The following EPHA6 variants were observed in gnomAD, a reference collection of about 807,000 sequenced individuals.
EPHA6 encodes the protein ephrin type-A receptor 6.
EPHA6 carries 50 observed loss-of-function variants against 112.0 expected under a neutral mutation model. That is an observed-to-expected ratio of 0.45 (90% CI 0.36 to 0.56). The LOEUF (loss-of-function observed/expected upper bound fraction) is 0.56. EPHA6 is among the 20% of genes least tolerant of loss of function. The probability of loss-of-function intolerance (pLI) is 0.00; values close to 1 mark genes in which losing one functional copy is unlikely to be tolerated. For missense variants in EPHA6, 1,280 were observed against 1,417.4 expected, an observed-to-expected ratio of 0.90 and a Z score of 1.56; for synonymous variants, 529 against 490.7, an observed-to-expected ratio of 1.08 and a Z score of -1.03.
rs553958235 is a variant in EPHA6 at position 97,338,118 on chromosome 3, A to G, written c.1607-67032A>G. ...CGTGTGTGTGTGTGTGTTTTCCACA[A>G]ACAAGTAAAACTTATTAGCTCTTGA... On this transcript the variant is annotated intron_variant, in intron 5 of 17. Transcript: ENST00000389672. 8.6e-5 allele frequency among the ~76,000 whole-genome samples: 13 copies of G among 151,828 alleles called. 1 individual carries two copies. The South Asian group carries it at 2.7e-3, about 32-fold the overall frequency.
chr3:97,150,001 A>G (rs1055313080), intron 3 of EPHA6, among the ~76,000 whole-genome samples: 7 of 152,168 alleles, frequency 4.6e-5, no homozygotes, highest in African/African-American at 1.7e-4. Context: ...AGAAAAGTCC[A>G]GAAGTGTTAC....
chr3:97,578,544 G>C (rs1044157810), intron 11 of EPHA6, among the ~76,000 whole-genome samples: 1 of 152,168 alleles, frequency 6.6e-6, no homozygotes, highest in Non-Finnish European at 1.5e-5. Flanking sequence ...TGGGATGAAA[G>C]AAACAGGTAT....
chr3:96,986,908 C>T (rs1023706858), intron 2 of EPHA6, among the ~76,000 whole-genome samples: 1 of 152,108 alleles, frequency 6.6e-6, no homozygotes, highest in African/African-American at 2.4e-5. Flanking sequence ...GATGGGAAAC[C>T]CTAAGTGCGT....
At chr3:97,351,063 A>G (rs1484216156) in intron 5 of EPHA6, among the ~76,000 whole-genome samples, 1 of 152,148 alleles carries the variant, frequency 6.6e-6, no homozygotes, top group African/African-American at 2.4e-5. Context: ...GCCATCCTCA[A>G]GCTCTAAAAA....
chr3:97,340,041 T>C (rs1162637636), intron 5 of EPHA6, among the ~76,000 whole-genome samples: 2 of 152,194 alleles, frequency 1.3e-5, no homozygotes, highest in African/African-American at 4.8e-5. Flanking sequence ...CTAAATATTT[T>C]TTCCAGATGA....
At chr3:97,492,547 C>CA (rs780244403) in intron 10 of EPHA6, among the ~76,000 whole-genome samples, 3 of 28,944 alleles carry the variant, frequency 1.0e-4, no homozygotes, top group Non-Finnish European at 2.4e-4. Context: ...GACTCAGTCT[C>CA]AAAAAAAAAA....
intron 15 of EPHA6, among the ~76,000 whole-genome samples, chr3:97,729,856 C>T (rs1465432206): frequency 1.3e-5 from 2 of 151,962 alleles, no homozygotes; most frequent in East Asian, 1.9e-4. Context: ...TAGACTGTGA[C>T]TCTCTGCTTT....
At chr3:96,920,780 T>C (rs1233651107) in intron 2 of EPHA6, among the ~76,000 whole-genome samples, 3 of 152,036 alleles carry the variant, frequency 2.0e-5, no homozygotes, top group African/African-American at 7.2e-5. Flanking sequence ...TTAAATGGCT[T>C]GAACTTAAAT....
chr3:97,242,924 G>C (rs748675925), intron 4 of EPHA6, among the ~76,000 whole-genome samples: 1 of 151,586 alleles, frequency 6.6e-6, no homozygotes, highest in Non-Finnish European at 1.5e-5. Context: ...CACAGCATAC[G>C]GATTCTGTGG....
chr3:97,115,497 A>G (rs2047859108), intron 3 of EPHA6, among the ~76,000 whole-genome samples: 1 of 151,792 alleles, frequency 6.6e-6, no homozygotes, highest in African/African-American at 2.4e-5. Flanking sequence ...AAATATTGTC[A>G]CCTTCCATGT....
chr3:97,223,867 A>C (rs1376704421), intron 3 of EPHA6, among the ~76,000 whole-genome samples: 1 of 152,218 alleles, frequency 6.6e-6, no homozygotes, highest in Admixed American at 6.5e-5. Flanking sequence ...GTCGGAAATT[A>C]TAAAAAATTT....
chr3:96,974,051 A>G (rs1048681852), intron 2 of EPHA6, among the ~76,000 whole-genome samples: 1 of 146,016 alleles, frequency 6.8e-6, no homozygotes, highest in African/African-American at 2.5e-5. Context: ...ATAAATATAT[A>G]TAATAAAATT....
intron 2 of EPHA6, among the ~76,000 whole-genome samples, chr3:96,900,946 T>A (rs1251149097): frequency 6.6e-6 from 1 of 152,224 alleles, no homozygotes; most frequent in Admixed American, 6.5e-5. Flanking sequence ...TCATTCTGAA[T>A]CTTTGACCTG....
intron 5 of EPHA6, among the ~76,000 whole-genome samples, chr3:97,274,649 A>G (rs919704873): frequency 6.6e-6 from 1 of 152,174 alleles, no homozygotes; most frequent in Non-Finnish European, 1.5e-5. Flanking sequence ...GGTAGCCTCA[A>G]TGATACATGT....
At chr3:97,094,301 C>T (rs1304834067) in intron 3 of EPHA6, among the ~76,000 whole-genome samples, 4 of 152,038 alleles carry the variant, frequency 2.6e-5, no homozygotes, top group African/African-American at 7.2e-5. Context: ...ATTAGACCCC[C>T]CTAGCAATAA....
chr3:97,633,064 G>T (rs191643188), intron 13 of EPHA6, among the ~76,000 whole-genome samples: 2 of 152,050 alleles, frequency 1.3e-5, no homozygotes, highest in African/African-American at 4.8e-5. Context: ...GACAACCATC[G>T]TGAAGTGATT....
intron 3 of EPHA6, among the ~76,000 whole-genome samples, chr3:97,043,275 G>C (rs1049943928): frequency 3.9e-5 from 6 of 152,112 alleles, no homozygotes; most frequent in South Asian, 2.1e-4. Flanking sequence ...TCCACACACA[G>C]ACCAACTCTC....
At chr3:97,190,189 G>A (rs1157716311) in intron 3 of EPHA6, among the ~76,000 whole-genome samples, 2 of 152,112 alleles carry the variant, frequency 1.3e-5, no homozygotes, top group Non-Finnish European at 2.9e-5. Flanking sequence ...CCCTTTACTT[G>A]TAGTGATGCT....
chr3:97,249,624 G>A (rs2079076626), intron 5 of EPHA6, among the ~76,000 whole-genome samples: 1 of 152,114 alleles, frequency 6.6e-6, no homozygotes. Flanking sequence ...AAACACTACG[G>A]TGTCACTGTC....
Sources: allele counts gnomAD v4.1 joint callset (sites outside exome capture counted in the v4.1 genomes callset), GRCh38; gene constraint gnomAD v4.1.1; transcripts MANE v1.5; gene names NCBI Gene and HGNC (gene_info 2026-07-23, HGNC 2026-07-21).